ACYP1: variants seen among roughly 807,000 people sequenced by gnomAD.
ACYP1 encodes the protein acylphosphatase 1.
Under a neutral mutation model 10.4 loss-of-function variants are expected in ACYP1, and 8 were observed. The ratio of observed to expected loss-of-function variants is 0.77; its 90% CI spans 0.45 to 1.38. The LOEUF is 1.38. Ranked by LOEUF, ACYP1 falls within the 40% of genes most tolerant of loss-of-function variation. The probability of loss-of-function intolerance (pLI) is 0.00; values close to 1 mark genes in which losing one functional copy is unlikely to be tolerated. For missense variants in ACYP1, 93 were observed against 117.3 expected (o/e 0.79, Z 0.96); for synonymous variants, 38 against 40.8 (o/e 0.93, Z 0.26).
At chr14:75,055,173 G>A (rs1594791209) in intron 2 of ACYP1, among the ~76,000 whole-genome samples, 1 of 127,152 alleles carries the variant, frequency 7.9e-6, no homozygotes, top group South Asian at 2.7e-4. Flanking sequence ...TGCAAGCTCC[G>A]CCTCCCAGGT....
At chr14:75,069,287 G>C (rs964865222) in exon 1 of ACYP1, 167 of 1,436,476 alleles carry the variant, frequency 1.2e-4, no homozygotes, top group Admixed American at 4.4e-4. Flanking sequence ...GGCGGACGCC[G>C]GCATCCTGCG....
chr14:75,056,462 T>TC (rs1892880051), intron 2 of ACYP1, among the ~76,000 whole-genome samples: 1 of 148,482 alleles, frequency 6.7e-6, no homozygotes, highest in Non-Finnish European at 1.5e-5. Flanking sequence ...TTCCTTTTTC[T>TC]TTTTTTTTTC....
At chr14:75,062,315 C>T (rs1893044488) in intron 2 of ACYP1, among the ~76,000 whole-genome samples, 4 of 150,280 alleles carry the variant, frequency 2.7e-5, no homozygotes, top group Admixed American at 2.0e-4. Context: ...CCTGTGGTCC[C>T]AGCTACTTGG....
intron 2 of ACYP1, among the ~76,000 whole-genome samples, chr14:75,055,828 A>G (rs1460649811): frequency 6.6e-6 from 1 of 151,576 alleles, no homozygotes; most frequent in African/African-American, 2.4e-5. Flanking sequence ...CAATAAAACA[A>G]AAGTTGCTTC....
upstream of ACYP1, among the ~76,000 whole-genome samples, chr14:75,064,682 C>T (rs748814990): frequency 2.0e-5 from 3 of 151,950 alleles, no homozygotes; most frequent in Non-Finnish European, 2.9e-5. Context: ...TGCAGTGAGC[C>T]GAGATTGCCC....
rs76995780 is a variant in ACYP1, at chr14:75,069,476, G to C, written c.-185C>G. Reference sequence around the variant, plus strand: ...CAGGGCTGGACCGAGCTGCAGAGTTGGCCGGACACTGACTGGGTCAAGTGA... The same window carrying C: ...CAGGGCTGGACCGAGCTGCAGAGTTCGCCGGACACTGACTGGGTCAAGTGA... On this transcript the variant is annotated 5_prime_UTR_variant, in exon 1 of 3. Transcript: ENST00000555463. The C allele has an allele frequency of 5.0e-3, 2,510 of 502,524 alleles. 70 individuals are homozygous for C. In the East Asian group the frequency reaches 0.064, roughly 13 times the overall value. The allele number at this position is 502,524 out of a possible 1,614,324, so 31.1% of individuals were successfully genotyped here.
chr14:75,059,176 T>TAAA (rs71119344), intron 2 of ACYP1, among the ~76,000 whole-genome samples: 13 of 97,326 alleles, frequency 1.3e-4, no homozygotes, highest in African/African-American at 2.0e-4. Flanking sequence ...GACTCTGTCT[T>TAAA]AAAAAAAAAA....
chr14:75,069,338 G>C (rs1042923911), exon 1 of ACYP1: 91 of 1,353,956 alleles, frequency 6.7e-5, no homozygotes, highest in Non-Finnish European at 8.3e-5. Context: ...TCCGCCCTTT[G>C]CCAGACAAGG....
intron 2 of ACYP1, among the ~76,000 whole-genome samples, chr14:75,057,043 T>C (rs947888025): frequency 5.9e-5 from 9 of 151,652 alleles, no homozygotes; most frequent in Admixed American, 5.2e-4. Context: ...GGCATTCAGA[T>C]TGGAAAGGAA....
At chr14:75,062,200 G>A (rs1343979246) in intron 2 of ACYP1, among the ~76,000 whole-genome samples, 1 of 150,466 alleles carries the variant, frequency 6.6e-6, no homozygotes, top group Admixed American at 6.6e-5. Context: ...GTGGGAGGCC[G>A]AGGCAGAAGG....
intron 2 of ACYP1, chr14:75,060,146 T>C: frequency 1.7e-6 from 1 of 602,432 alleles, no homozygotes; most frequent in South Asian, 2.1e-5. Context: ...GTGTGCTATA[T>C]GGTTTCCAAA....
At chr14:75,062,085 G>C (rs1192454631) in intron 2 of ACYP1, among the ~76,000 whole-genome samples, 1 of 32,616 alleles carries the variant, frequency 3.1e-5, no homozygotes, top group African/African-American at 1.4e-4. Context: ...TGGGCAAAAA[G>C]AATGAAACTC....
At chr14:75,059,863 A>G (rs1204620341) in intron 2 of ACYP1, 1 of 166,906 alleles carries the variant, frequency 6.0e-6, no homozygotes, top group Non-Finnish European at 1.3e-5. Context: ...GCCAGCCACA[A>G]AAGGACAAAT....
rs1232605436 is a variant in ACYP1 at position 75,058,427 on chromosome 14, C to T, written c.85-4768G>A. 2.0e-5 allele frequency among the ~76,000 whole-genome samples: 3 copies of T among 151,072 alleles called. 1 individual carries two copies. Among genetic ancestry groups the T allele is most frequent in the Non-Finnish European group, 4.4e-5 (3 of 67,946 alleles). On this transcript the variant is annotated intron_variant, in intron 2 of 2. Coordinates refer to ENST00000238618, the MANE Select transcript of ACYP1 (RefSeq NM_001107.5). ...TTGTGTCACTGCACTCTAGCCTGGG[C>T]GACAAGAACAAGACTCCGTTTCAAA... is the stretch of plus-strand genomic sequence containing the variant.
upstream of ACYP1, among the ~76,000 whole-genome samples, chr14:75,067,729 C>G (rs985324595): frequency 2.6e-5 from 4 of 152,028 alleles, no homozygotes; most frequent in Non-Finnish European, 4.4e-5. Context: ...CCGTCTCTCA[C>G]GTCTATAATC....
At chr14:75,063,729 T>C (rs2139660575) in intron 1 of ACYP1, among the ~76,000 whole-genome samples, 168 bp from the exon 2 acceptor site, 1 of 152,084 alleles carries the variant, frequency 6.6e-6, no homozygotes, top group African/African-American at 2.4e-5. Context: ...AAGGTGTGTG[T>C]GAAGGAAGAA....
intron 2 of ACYP1, chr14:75,063,248 T>C (rs1292244593): frequency 1.1e-5 from 6 of 531,238 alleles, no homozygotes; most frequent in African/African-American, 9.5e-5. Flanking sequence ...TGTATCTAGA[T>C]GCTCAGGCAC....
chr14:75,061,636 T>A, intron 2 of ACYP1: 1 of 1,397,678 alleles, frequency 7.2e-7, no homozygotes, highest in South Asian at 1.3e-5. Context: ...CAACTTTGAC[T>A]AATCTTTGAA....
intron 2 of ACYP1, among the ~76,000 whole-genome samples, chr14:75,055,417 A>C (rs927792695): frequency 1.3e-5 from 2 of 150,674 alleles, no homozygotes; most frequent in Non-Finnish European, 2.9e-5. Flanking sequence ...TGAACAGAAC[A>C]CTCCAAAATT....
Sources: gnomAD v4.1 joint callset for allele counts (sites outside exome capture counted in the v4.1 genomes callset) on GRCh38, gnomAD v4.1.1 for gene constraint, MANE v1.5 for transcripts, NCBI Gene and HGNC (gene_info 2026-07-23, HGNC 2026-07-21) for gene names.